Variants in MRPL1 observed in about 807,000 individuals in gnomAD.
MRPL1 encodes large ribosomal subunit protein uL1m.
MRPL1 carries 28 observed loss-of-function variants against 38.0 expected under a neutral mutation model. The observed-to-expected ratio is 0.74, with a 90% CI of 0.55 to 1.01. The LOEUF is 1.01. Ranked by LOEUF, MRPL1 falls within the 50% of genes least tolerant of loss-of-function variation. The probability of loss-of-function intolerance (pLI) is 0.00; values close to 1 mark genes in which losing one functional copy is unlikely to be tolerated. For missense variants in MRPL1, 358 were observed against 389.8 expected, an observed-to-expected ratio of 0.92 and a Z score of 0.69; for synonymous variants, 123 against 126.7, an observed-to-expected ratio of 0.97 and a Z score of 0.20.
At chr4:77,866,801 G>C (rs2110226417) in intron 1 of MRPL1, among the ~76,000 whole-genome samples, 1 of 150,476 alleles carries the variant, frequency 6.6e-6, no homozygotes, top group Admixed American at 6.6e-5. Flanking sequence ...AGGCTGGAGT[G>C]CAATGGCGCG....
chr4:77,935,615 C>T (rs952882484), intron 7 of MRPL1, among the ~76,000 whole-genome samples: 4 of 152,096 alleles, frequency 2.6e-5, no homozygotes, highest in African/African-American at 2.4e-5. Context: ...AGGCTGGTCT[C>T]GAACTCCTGA....
chr4:77,891,729 A>T (rs1359603895), intron 5 of MRPL1, among the ~76,000 whole-genome samples: 1 of 152,248 alleles, frequency 6.6e-6, no homozygotes, highest in Non-Finnish European at 1.5e-5. Flanking sequence ...ATGGTAATAG[A>T]GCAGAAAGTG....
intron 7 of MRPL1, among the ~76,000 whole-genome samples, chr4:77,941,238 CTT>C (rs1302401277): frequency 6.7e-6 from 1 of 149,000 alleles, no homozygotes; most frequent in African/African-American, 2.5e-5. Flanking sequence ...GCACTCCAGT[CTT>C]GGTAAAAAGA....
chr4:77,928,679 C>T (rs762863855), intron 7 of MRPL1, among the ~76,000 whole-genome samples: 1 of 152,134 alleles, frequency 6.6e-6, no homozygotes, highest in Admixed American at 6.5e-5. Flanking sequence ...ATCCTCCATT[C>T]TGTGTCAGCT....
chr4:77,945,682 T>TG (rs1737245872), intron 7 of MRPL1, among the ~76,000 whole-genome samples: 1 of 152,104 alleles, frequency 6.6e-6, no homozygotes, highest in African/African-American at 2.4e-5. Context: ...GCTGGGTCTC[T>TG]GGGGGTGATA....
rs958207311 is a variant in MRPL1, at chr4:77,910,519, G to A, written c.777+1147G>A. ...TTGAGTGTGGTGGCATGCACCTGTA[G>A]TCTAGCTACTTGGGAGGCTGAGGCG... On this transcript the variant is annotated intron_variant, in intron 7 of 8. Coordinates refer to ENST00000315567, the MANE Select transcript of MRPL1 (RefSeq NM_020236.4). Among the ~76,000 whole-genome samples, 11 of 152,282 alleles carry A rather than the reference G, an allele frequency of 7.2e-5. 1 individual carries two copies. The South Asian group carries it at 1.9e-3, about 26-fold the overall frequency.
rs563313944 is a variant in MRPL1, at chr4:77,873,156, A to C, written c.143+1301A>C. On this transcript the variant is annotated intron_variant, in intron 2 of 8. Transcript: ENST00000315567. ...GGATAATAATAGTTAAAATTTATAG[A>C]ATGCTTCCTTTGTGCTAGGCAGTAT... 1.2e-3 allele frequency among the ~76,000 whole-genome samples: 178 copies of C among 152,354 alleles called. 1 individual carries two copies. The highest frequency in any genetic ancestry group is 4.3e-3 in the African/African-American group (177 of 41,582).
chr4:77,941,094 CATGTCTACTAAAAAT>C (rs1425154148), intron 7 of MRPL1, among the ~76,000 whole-genome samples: 2 of 152,066 alleles, frequency 1.3e-5, no homozygotes, highest in Non-Finnish European at 2.9e-5. Flanking sequence ...AGTGAAACCA[CATGTCTACTAAAAAT>C]ACAAAATTAG....
intron 3 of MRPL1, among the ~76,000 whole-genome samples, chr4:77,883,875 G>A (rs539537997): frequency 6.6e-6 from 1 of 152,214 alleles, no homozygotes; most frequent in South Asian, 2.1e-4. Flanking sequence ...ACTGTGCCTG[G>A]CCTCTTAATT....
intron 1 of MRPL1, 74 bp from the exon 2 acceptor site, chr4:77,871,656 CATTTTGAAAGTACT>C: frequency 1.6e-6 from 1 of 619,268 alleles, no homozygotes; most frequent in East Asian, 3.3e-5. Context: ...TGAATGTTTT[CATTTTGAAAGTACT>C]GACTTTTAAA....
chr4:77,885,178 C>T, intron 3 of MRPL1, 78 bp from the exon 4 acceptor site: 1 of 1,066,744 alleles, frequency 9.4e-7, no homozygotes, highest in Non-Finnish European at 1.4e-6. Flanking sequence ...CAAAACATGT[C>T]CGTTCTTGTT....
chr4:77,937,124 CA>C (rs201893355), intron 7 of MRPL1, among the ~76,000 whole-genome samples: 81 of 141,988 alleles, frequency 5.7e-4, no homozygotes, highest in African/African-American at 4.9e-4. Context: ...AATGCTGTCT[CA>C]AAAAAAAAAA....
intron 8 of MRPL1, among the ~76,000 whole-genome samples, chr4:77,952,238 A>G (rs902816004): frequency 4.6e-5 from 7 of 152,190 alleles, no homozygotes; most frequent in Non-Finnish European, 7.3e-5. Context: ...ATTTATTTCA[A>G]TGGTTAATAT....
Position 77,887,280 on chromosome 4 carries a change from C to T in MRPL1, c.547C>T (p.Leu183=), listed in dbSNP as rs140497352. The change falls in exon 5 of 9, where the codon CTG becomes TTG. Residue 183 remains leucine (L), a synonymous_variant. Transcript: ENST00000315567. ...NGAAFAGGTS[L]IQKIWDDEIV... ...AGCTGCATTTGCAGGAGGCACTAGT[C>T]TGATACAGAAGGTACAGTGTTGTTT... The T allele has an allele frequency of 3.7e-6, 6 of 1,613,028 alleles. No individual in the cohort carries two copies. In the African/African-American group the frequency reaches 5.3e-5, roughly 14 times the overall value.
At chr4:77,870,359 T>C (rs949342057) in intron 1 of MRPL1, among the ~76,000 whole-genome samples, 2 of 152,178 alleles carry the variant, frequency 1.3e-5, no homozygotes, top group Admixed American at 6.5e-5. Flanking sequence ...GATAATTGCT[T>C]GTTCCTTCAT....
At chr4:77,866,950 G>A (rs1204638561) in intron 1 of MRPL1, among the ~76,000 whole-genome samples, 1 of 151,934 alleles carries the variant, frequency 6.6e-6, no homozygotes, top group African/African-American at 2.4e-5. Context: ...GTTTCAACAT[G>A]TTGGCCAGGC....
At chr4:77,943,416 T>A (rs1235593759) in intron 7 of MRPL1, among the ~76,000 whole-genome samples, 13 of 152,128 alleles carry the variant, frequency 8.5e-5, no homozygotes, top group Non-Finnish European at 1.9e-4. Flanking sequence ...TGTATTTAGA[T>A]CTCTAGCCAC....
chr4:77,877,909 G>A (rs1191257759), intron 2 of MRPL1, among the ~76,000 whole-genome samples: 1 of 151,698 alleles, frequency 6.6e-6, no homozygotes, highest in Non-Finnish European at 1.5e-5. Flanking sequence ...TGGCTGGGGG[G>A]TGGGGGGACG....
chr4:77,887,461 C>G (rs1735707188), intron 5 of MRPL1, among the ~76,000 whole-genome samples, 170 bp downstream of exon 5: 3 of 152,066 alleles, frequency 2.0e-5, no homozygotes, highest in Admixed American at 6.6e-5. Flanking sequence ...CAAAATCAAG[C>G]TAGGAGAAAA....
Sources: allele counts gnomAD v4.1 joint callset (sites outside exome capture counted in the v4.1 genomes callset), GRCh38; gene constraint gnomAD v4.1.1; transcripts MANE v1.5; gene names NCBI Gene and HGNC (gene_info 2026-07-23, HGNC 2026-07-21).